Variants in EXOC2 observed in about 807,000 individuals in gnomAD.
EXOC2 encodes exocyst complex component 2, also known as SEC5-like 1.
Under a neutral mutation model 131.8 loss-of-function variants are expected in EXOC2, and 70 were observed. The observed-to-expected ratio is 0.53, with a 90% CI of 0.44 to 0.65. The LOEUF (loss-of-function observed/expected upper bound fraction) is 0.65. EXOC2 is among the 30% of genes least tolerant of loss of function. The probability of loss-of-function intolerance (pLI) is 0.00; values close to 1 mark genes in which losing one functional copy is unlikely to be tolerated. For missense variants in EXOC2, 923 were observed against 1,108.6 expected, an observed-to-expected ratio of 0.83 and a Z score of 2.38; for synonymous variants, 411 against 398.4, an observed-to-expected ratio of 1.03 and a Z score of -0.38.
At chr6:640,602 T>A (rs1193740) in intron 1 of EXOC2, among the ~76,000 whole-genome samples, 2 of 151,904 alleles carry the variant, frequency 1.3e-5, no homozygotes, top group East Asian at 3.9e-4. Context: ...CATGGGTGGG[T>A]CCTAATCCAG....
rs368586651 is a variant in EXOC2, at chr6:636,295, C to G, written c.118+1406G>C. Among the ~76,000 whole-genome samples, 14 of 152,296 alleles carry G rather than the reference C, an allele frequency of 9.2e-5. No homozygotes were observed. In the East Asian group the frequency reaches 9.6e-4, roughly 10 times the overall value. ...AAGAAACATCTGGAATGAGCTTTAT[C>G]AAAAACCAAGGCATAGGATTAGGTA... On this transcript the variant is annotated intron_variant, in intron 2 of 27. Coordinates refer to ENST00000230449, the MANE Select transcript of EXOC2 (RefSeq NM_018303.6).
chr6:498,633 G>A lies in EXOC2; in HGVS notation c.2436+1012C>T, dbSNP rs959656595. 2.6e-5 allele frequency among the ~76,000 whole-genome samples: 4 copies of A among 152,184 alleles called. No homozygotes were observed. In the East Asian group the frequency reaches 5.8e-4, roughly 22 times the overall value. On this transcript the variant is annotated intron_variant, in intron 24 of 27. Coordinates refer to ENST00000230449, the MANE Select transcript of EXOC2 (RefSeq NM_018303.6). ...CTATAGTTTTCTTTCTGCTCTTGGC[G>A]CTTCAAACTTCTAGCCAAATTTAGG... is the stretch of plus-strand genomic sequence containing the variant.
At chr6:598,783 C>T (rs759593979) in intron 9 of EXOC2, 77 bp downstream of exon 9, 17 of 1,191,728 alleles carry the variant, frequency 1.4e-5, no homozygotes, top group Non-Finnish European at 2.0e-5. Context: ...ACTCATATAA[C>T]ATTCTTTGCA....
At chr6:665,188 A>G (rs1763586224) in intron 1 of EXOC2, among the ~76,000 whole-genome samples, 1 of 152,274 alleles carries the variant, frequency 6.6e-6, no homozygotes, top group Non-Finnish European at 1.5e-5. Context: ...AAAAATGCTC[A>G]GCATCACTAA....
At chr6:676,287 T>TGA (rs1181058052) in intron 1 of EXOC2, among the ~76,000 whole-genome samples, 1 of 67,984 alleles carries the variant, frequency 1.5e-5, no homozygotes, top group African/African-American at 5.2e-5. Context: ...CAGGTTCCTC[T>TGA]GGAGACTCTG....
chr6:527,771 T>A (rs1211703408), intron 23 of EXOC2, among the ~76,000 whole-genome samples: 2 of 152,250 alleles, frequency 1.3e-5, no homozygotes, highest in Admixed American at 1.3e-4. Flanking sequence ...CAAAAATAAG[T>A]TCACTATTTA....
intron 1 of EXOC2, among the ~76,000 whole-genome samples, chr6:658,665 A>ATATATATAT (rs1374453663): frequency 8.7e-6 from 1 of 115,546 alleles, no homozygotes; most frequent in African/African-American, 3.3e-5. Context: ...ATATATATAT[A>ATATATATAT]TTTTTTTTTT....
At chr6:692,726 T>A (rs1474724860) in intron 1 of EXOC2, among the ~76,000 whole-genome samples, 2 of 151,270 alleles carry the variant, frequency 1.3e-5, no homozygotes, top group East Asian at 2.0e-4. Flanking sequence ...GGGCGGGGCC[T>A]GGAGTCAGCC....
chr6:613,772 C>A (rs1760836285), intron 6 of EXOC2, among the ~76,000 whole-genome samples: 1 of 152,086 alleles, frequency 6.6e-6, no homozygotes, highest in African/African-American at 2.4e-5. Flanking sequence ...AGGAGATATA[C>A]CTAATGTTAA....
intron 11 of EXOC2, among the ~76,000 whole-genome samples, chr6:578,895 C>T (rs1758736309): frequency 1.3e-5 from 2 of 151,930 alleles, no homozygotes. Context: ...ATACAGTTGT[C>T]ACTTCTATCA....
chr6:567,735 G>A (rs1758054662), intron 13 of EXOC2, among the ~76,000 whole-genome samples: 1 of 152,194 alleles, frequency 6.6e-6, no homozygotes, highest in South Asian at 2.1e-4. Context: ...ATGCATGCAT[G>A]TGTGTCTCAG....
chr6:541,265 A>C (rs1017542530), intron 22 of EXOC2, among the ~76,000 whole-genome samples: 8 of 152,092 alleles, frequency 5.3e-5, no homozygotes, highest in Non-Finnish European at 8.8e-5. Flanking sequence ...ATTCAAAACT[A>C]AAAAAAATGA....
chr6:629,770 T>A, intron 4 of EXOC2, 65 bp downstream of exon 4: 1 of 1,581,010 alleles, frequency 6.3e-7, no homozygotes, highest in Non-Finnish European at 8.6e-7. Context: ...GTCCCTTTCC[T>A]GTAAGTATAT....
intron 17 of EXOC2, 135 bp from the exon 18 acceptor site, chr6:556,699 G>T: frequency 1.1e-6 from 1 of 877,214 alleles, no homozygotes; most frequent in Non-Finnish European, 1.8e-6. Flanking sequence ...GATCTGAAAA[G>T]TCATCTCCTA....
rs1270439454 is a variant in EXOC2 at position 486,110 on chromosome 6, T to C, written c.*561A>G. On this transcript the variant is annotated 3_prime_UTR_variant, in exon 28 of 28. Coordinates refer to ENST00000230449, the MANE Select transcript of EXOC2 (RefSeq NM_018303.6). ...CTGGACCACAAATAATCTACCCCAGTTGTAATATGTATTTTAATGGAGACC... is the reference window on the plus strand; with the variant it reads ...CTGGACCACAAATAATCTACCCCAGCTGTAATATGTATTTTAATGGAGACC... 6.6e-6 allele frequency: 1 copy of C among 152,126 alleles called. No individual in the cohort carries two copies. The highest frequency in any genetic ancestry group is 2.4e-5 in the African/African-American group (1 of 41,416). The allele number at this position is 152,126 out of a possible 1,614,324, so 9.4% of individuals were successfully genotyped here. A position where few individuals can be genotyped will look rare whatever the true frequency, so the allele number is the denominator to read the frequency against.
intron 1 of EXOC2, among the ~76,000 whole-genome samples, chr6:671,358 A>AC (rs1254726482): frequency 6.6e-6 from 1 of 151,748 alleles, no homozygotes; most frequent in Non-Finnish European, 1.5e-5. Flanking sequence ...CAACAACAAA[A>AC]AAAAACAAAA....
At chr6:556,351 C>A (rs1016792779) in intron 18 of EXOC2, 133 bp downstream of exon 18, 1 of 915,394 alleles carries the variant, frequency 1.1e-6, no homozygotes, top group East Asian at 2.6e-5. Flanking sequence ...AGCACATCTA[C>A]GCAGTTAAAC....
intron 1 of EXOC2, among the ~76,000 whole-genome samples, chr6:683,562 AGG>A (rs1764508366): frequency 6.7e-6 from 1 of 148,688 alleles, no homozygotes. Context: ...GTTTCAGAAA[AGG>A]TCAAGAAACC....
At chr6:556,165 G>A in intron 18 of EXOC2, 152 bp from the exon 19 acceptor site, 1 of 724,022 alleles carries the variant, frequency 1.4e-6, no homozygotes, top group Non-Finnish European at 2.3e-6. Context: ...GGGCCTACTG[G>A]GAGGTGTTCC....
Sources: gnomAD v4.1 joint callset for allele counts (sites outside exome capture counted in the v4.1 genomes callset) on GRCh38, gnomAD v4.1.1 for gene constraint, MANE v1.5 for transcripts, NCBI Gene and HGNC (gene_info 2026-07-23, HGNC 2026-07-21) for gene names.